TIAM2: variants seen among roughly 807,000 people sequenced by gnomAD.
The protein encoded by TIAM2 is TIAM Rac1 associated GEF 2, also known as rho guanine nucleotide exchange factor TIAM2.
TIAM2 carries 80 observed loss-of-function variants against 152.9 expected under a neutral mutation model. The ratio of observed to expected loss-of-function variants is 0.52; its 90% CI spans 0.44 to 0.63. TIAM2 has a LOEUF of 0.63. Among genes scored for constraint, TIAM2 ranks in the 30% least tolerant of loss-of-function variants. The pLI is 0.00. For synonymous variants in TIAM2, 804 were observed against 838.0 expected (o/e 0.96, Z 0.70); for missense variants, 1,965 against 2,120.1 (o/e 0.93, Z 1.44).
At chr6:155,180,447 A>G (rs1455107886) in intron 12 of TIAM2, among the ~76,000 whole-genome samples, 1 of 152,106 alleles carries the variant, frequency 6.6e-6, no homozygotes, top group Non-Finnish European at 1.5e-5. Flanking sequence ...CCATAGAAAC[A>G]CTGTTTCTTA....
intron 1 of TIAM2, among the ~76,000 whole-genome samples, chr6:155,021,464 G>A (rs1776490874): frequency 1.3e-5 from 2 of 152,052 alleles, no homozygotes; most frequent in Non-Finnish European, 1.5e-5. Flanking sequence ...GTTTCGCCAT[G>A]TTGGTCAGGC....
chr6:155,079,550 C>T (rs1269283961), intron 1 of TIAM2, among the ~76,000 whole-genome samples: 1 of 152,250 alleles, frequency 6.6e-6, no homozygotes, highest in Non-Finnish European at 1.5e-5. Flanking sequence ...TGTGAAATGA[C>T]TGACTTGTCA....
intron 15 of TIAM2, among the ~76,000 whole-genome samples, chr6:155,226,457 G>A (rs1033792771): frequency 2.0e-5 from 3 of 152,096 alleles, no homozygotes; most frequent in African/African-American, 7.2e-5. Flanking sequence ...ATCACTTGAG[G>A]TCAGGAGTTT....
At chr6:155,109,016 C>A (rs1778765308) in intron 2 of TIAM2, among the ~76,000 whole-genome samples, 1 of 152,128 alleles carries the variant, frequency 6.6e-6, no homozygotes, top group Non-Finnish European at 1.5e-5. Flanking sequence ...CAGAGTCTCA[C>A]TCTGTCGCCC....
chr6:155,204,420 G>T (rs1030088434), intron 14 of TIAM2, among the ~76,000 whole-genome samples: 37 of 151,958 alleles, frequency 2.4e-4, no homozygotes, highest in Non-Finnish European at 4.6e-4. Context: ...CACGGCTTCT[G>T]GAGAGGTTCT....
In TIAM2 at chr6:155,048,205, G is replaced by A. The variant is rs1437562774; in HGVS notation, c.-208-42084G>A. Among the ~76,000 whole-genome samples, 4 of 152,050 alleles carry A rather than the reference G, an allele frequency of 2.6e-5. No individual in the cohort carries two copies. In the East Asian group the frequency reaches 7.7e-4, roughly 29 times the overall value. ...TGACCTCAAGTGATCTGCCTGACTT[G>A]GACTCCTGAAGTGGTGGGATTACAG... is the stretch of plus-strand genomic sequence containing the variant. On this transcript the variant is annotated intron_variant, in intron 1 of 26. Coordinates refer to ENST00000682666, the MANE Select transcript of TIAM2 (RefSeq NM_012454.4).
chr6:155,249,235 C>T (rs1783510759), intron 20 of TIAM2, among the ~76,000 whole-genome samples: 1 of 152,196 alleles, frequency 6.6e-6, no homozygotes, highest in Non-Finnish European at 1.5e-5. Context: ...ATGTATCTCT[C>T]ATATTCCCTC....
intron 2 of TIAM2, among the ~76,000 whole-genome samples, chr6:155,120,285 A>G (rs966539817): frequency 1.3e-5 from 2 of 152,232 alleles, no homozygotes; most frequent in African/African-American, 2.4e-5. Flanking sequence ...GCTGAATTCA[A>G]AGACGACCAG....
At chr6:155,014,879 A>G (rs898878073) in intron 1 of TIAM2, among the ~76,000 whole-genome samples, 4 of 152,192 alleles carry the variant, frequency 2.6e-5, no homozygotes, top group Admixed American at 6.5e-5. Flanking sequence ...TTTAGGCTAC[A>G]AGCAATGGGG....
chr6:155,190,367 C>G (rs538780808), intron 14 of TIAM2, among the ~76,000 whole-genome samples: 3 of 152,248 alleles, frequency 2.0e-5, no homozygotes, highest in Non-Finnish European at 4.4e-5. Context: ...CCTATATGTT[C>G]TCTGTAAAAC....
intron 18 of TIAM2, among the ~76,000 whole-genome samples, chr6:155,245,069 C>G (rs960689194): frequency 2.0e-5 from 3 of 152,152 alleles, no homozygotes; most frequent in Non-Finnish European, 4.4e-5. Flanking sequence ...TGAAGGATAT[C>G]CAAGGTGGTT....
chr6:155,074,878 A>T (rs550530642), intron 1 of TIAM2, among the ~76,000 whole-genome samples: 1 of 149,532 alleles, frequency 6.7e-6, no homozygotes, highest in East Asian at 2.0e-4. Flanking sequence ...AAAAAAAAAA[A>T]CCTCTGAGGA....
chr6:155,074,025 T>TA (rs1277305022), intron 1 of TIAM2, among the ~76,000 whole-genome samples: 1 of 152,174 alleles, frequency 6.6e-6, no homozygotes, highest in Non-Finnish European at 1.5e-5. Flanking sequence ...TGAGCCAAGA[T>TA]ACTGATTTGT....
Position 155,046,461 on chromosome 6 carries a change from G to A in TIAM2, c.-208-43828G>A, listed in dbSNP as rs569497628. ...AGTGATTCTCCTGTCTCAGCCTCCC[G>A]AGTAGCTGGGACTACAGGCATGTGC... On this transcript the variant is annotated intron_variant, in intron 1 of 26. Coordinates refer to ENST00000682666, the MANE Select transcript of TIAM2 (RefSeq NM_012454.4). 3.9e-4 allele frequency among the ~76,000 whole-genome samples: 58 copies of A among 149,206 alleles called. 1 individual carries two copies. The South Asian group carries it at 0.012, about 30-fold the overall frequency.
At chr6:155,039,115 C>T (rs762340359) in intron 1 of TIAM2, among the ~76,000 whole-genome samples, 8 of 151,464 alleles carry the variant, frequency 5.3e-5, no homozygotes, top group East Asian at 2.0e-4. Flanking sequence ...TGTGTGCCAC[C>T]GCACCTGGCT....
At position 155,251,896 on chromosome 6, in the gene TIAM2, G is replaced by C. The variant is rs149887106; in HGVS notation, c.4061-49G>C. 2,043 of 1,459,246 alleles carry C rather than the reference G, an allele frequency of 1.4e-3. 23 individuals are homozygous for C. The African/African-American group carries it at 0.025, about 18-fold the overall frequency. The allele number at this position is 1,459,246 out of a possible 1,614,324, so 90.4% of individuals were successfully genotyped here. A position where few individuals can be genotyped will look rare whatever the true frequency, so the allele number is the denominator to read the frequency against. On this transcript the variant is annotated intron_variant, in intron 22 of 26. Coordinates refer to ENST00000682666, the MANE Select transcript of TIAM2 (RefSeq NM_012454.4). ...GACGTTCAGCTCTAGTTTAACCTTG[G>C]AAGAGTTTGCATAAAATAAAGACTT...
intron 13 of TIAM2, 46 bp from the exon 14 acceptor site, chr6:155,183,191 C>A: frequency 6.3e-7 from 1 of 1,590,092 alleles, no homozygotes; most frequent in Non-Finnish European, 8.6e-7. Context: ...ATATTTCTCA[C>A]AGTAATCCCT....
intron 7 of TIAM2, among the ~76,000 whole-genome samples, chr6:155,151,159 C>G (rs1392632425): frequency 6.6e-6 from 1 of 152,164 alleles, no homozygotes; most frequent in Non-Finnish European, 1.5e-5. Context: ...GACTCCGGGT[C>G]CCTTTCTGAG....
In TIAM2 at chr6:155,213,154, C is replaced by T. The variant is rs1479763835; in HGVS notation, c.3168+1847C>T. 6.6e-6 allele frequency among the ~76,000 whole-genome samples: 1 copy of T among 152,170 alleles called. No homozygotes were observed. The highest frequency in any genetic ancestry group is 1.5e-5 in the Non-Finnish European group (1 of 68,036). ...TGTTTTGGCCCTGTTTGTGTTGTAG[C>T]TCTTTCAGCCCTGCCGTTAGGCAGG... is the stretch of plus-strand genomic sequence containing the variant. On this transcript the variant is annotated intron_variant, in intron 15 of 26. Transcript: ENST00000682666. This position sits in a 1 kb window ranked among gnomAD's most constrained non-coding sequence, Gnocchi z 4.2.
Sources: gnomAD v4.1 joint callset for allele counts (sites outside exome capture counted in the v4.1 genomes callset) on GRCh38, gnomAD v4.1.1 for gene constraint, Gnocchi (gnomAD v3.1) non-coding constraint, MANE v1.5 for transcripts, NCBI Gene and HGNC (gene_info 2026-07-23, HGNC 2026-07-21) for gene names.